Variants in ABI2 observed in about 807,000 individuals in gnomAD.
ABI2 encodes the protein abelson interactor 2.
ABI2 carries 25 observed loss-of-function variants against 59.2 expected under a neutral mutation model. The observed-to-expected ratio is 0.42, with a 90% CI of 0.31 to 0.59. The LOEUF (loss-of-function observed/expected upper bound fraction) is 0.59. Among genes scored for constraint, ABI2 ranks in the 20% least tolerant of loss-of-function variants. The pLI is 0.14. For missense variants in ABI2, 545 were observed against 681.8 expected (o/e 0.80, Z 2.23); for synonymous variants, 213 against 235.5 (o/e 0.90, Z 0.87).
At chr2:203,357,005 C>T (rs1195651283) in intron 1 of ABI2, among the ~76,000 whole-genome samples, 2 of 151,154 alleles carry the variant, frequency 1.3e-5, no homozygotes, top group East Asian at 3.9e-4. Context: ...AACTAAAAAA[C>T]GATTACTTCT....
At chr2:203,419,378 G>A (rs1357117935) in intron 11 of ABI2, among the ~76,000 whole-genome samples, 5 of 148,652 alleles carry the variant, frequency 3.4e-5, no homozygotes, top group South Asian at 2.2e-4. Context: ...GATTACAGGC[G>A]TGAGCCACGA....
chr2:203,375,048 ATC>A (rs1355267862), intron 2 of ABI2, among the ~76,000 whole-genome samples: 1 of 152,234 alleles, frequency 6.6e-6, no homozygotes, highest in Non-Finnish European at 1.5e-5. Context: ...CAGTATGATT[ATC>A]TCAAGGCCAT....
intron 1 of ABI2, among the ~76,000 whole-genome samples, chr2:203,348,157 C>G (rs2084938305): frequency 6.6e-6 from 1 of 152,248 alleles, no homozygotes; most frequent in African/African-American, 2.4e-5. Flanking sequence ...AGGAGAATCG[C>G]TTGAACCCGG....
chr2:203,398,206 T>C (rs1309666358), intron 8 of ABI2, among the ~76,000 whole-genome samples: 1 of 152,238 alleles, frequency 6.6e-6, no homozygotes, highest in Admixed American at 6.5e-5. Context: ...AGAAAAGCTT[T>C]CTGCAGTAGA....
intron 9 of ABI2, 138 bp from the exon 10 acceptor site, chr2:203,411,147 G>A: frequency 2.7e-6 from 2 of 741,144 alleles, no homozygotes; most frequent in East Asian, 2.8e-5. Context: ...CCCTCAACAG[G>A]GGATCCTTGA....
intron 1 of ABI2, among the ~76,000 whole-genome samples, chr2:203,352,518 T>G (rs750825693): frequency 2.0e-5 from 3 of 151,484 alleles, no homozygotes; most frequent in Non-Finnish European, 2.9e-5. Flanking sequence ...TGACCCTGTG[T>G]AGGGTTAGGC....
chr2:203,387,196 T>C (rs1381275498), intron 4 of ABI2, among the ~76,000 whole-genome samples: 3 of 152,058 alleles, frequency 2.0e-5, no homozygotes, highest in African/African-American at 7.2e-5. Flanking sequence ...AGGTCATCTG[T>C]TAATGGGAGA....
At chr2:203,362,900 C>G (rs191362203) in intron 1 of ABI2, among the ~76,000 whole-genome samples, 1 of 151,996 alleles carries the variant, frequency 6.6e-6, no homozygotes, top group African/African-American at 2.4e-5. Context: ...GACCTGATCT[C>G]AGCTCACTGC....
intron 11 of ABI2, among the ~76,000 whole-genome samples, chr2:203,418,681 A>G (rs1352744353): frequency 6.6e-6 from 1 of 152,224 alleles, no homozygotes; most frequent in Non-Finnish European, 1.5e-5. Context: ...ATGACCTGTC[A>G]TTTTTGCCAT....
rs532862354 is a variant in ABI2 at position 203,402,444 on chromosome 2, T to C, written c.1034-132T>C. 1.3e-5 allele frequency: 8 copies of C among 614,800 alleles called. No individual in the cohort carries two copies. In the South Asian group the frequency reaches 4.2e-4, roughly 32 times the overall value. 38.1% of individuals were successfully genotyped at this position (614,800 alleles called of 1,614,324 possible). A position where few individuals can be genotyped will look rare whatever the true frequency, so the allele number is the denominator to read the frequency against. On this transcript the variant is annotated intron_variant, in intron 8 of 11. Coordinates refer to ENST00000261018, the MANE Select transcript of ABI2 (RefSeq NM_001375670.1). ...TCAGCGAACAATAACTCACCTTGCA[T>C]TGTATATTTCAGATACCAGTTAAAC...
chr2:203,338,977 T>A (rs1176625513), intron 1 of ABI2, among the ~76,000 whole-genome samples: 13 of 10,258 alleles, frequency 1.3e-3, no homozygotes, highest in African/African-American at 3.4e-3. Flanking sequence ...TATATATATA[T>A]ATATAAATAT....
chr2:203,386,430 G>GTTTTTTTTTTTTT (rs71007512), intron 4 of ABI2: 1 of 63,888 alleles, frequency 1.6e-5, no homozygotes, highest in African/African-American at 8.6e-5. Flanking sequence ...ACTCCTGGCT[G>GTTTTTTTTTTTTT]TTTTTTTTTT....
chr2:203,387,990 A>C (rs1199526002), intron 4 of ABI2, among the ~76,000 whole-genome samples: 1 of 152,096 alleles, frequency 6.6e-6, no homozygotes, highest in Non-Finnish European at 1.5e-5. Context: ...TCTAGTAAAT[A>C]TATTTTTATA....
At chr2:203,377,078 G>A (rs1340155942) in intron 2 of ABI2, among the ~76,000 whole-genome samples, 1 of 152,140 alleles carries the variant, frequency 6.6e-6, no homozygotes, top group Non-Finnish European at 1.5e-5. Flanking sequence ...AGCACTTTGG[G>A]AGACTGAGGC....
chr2:203,343,297 G>A (rs898915830), intron 1 of ABI2, among the ~76,000 whole-genome samples: 2 of 152,200 alleles, frequency 1.3e-5, no homozygotes, highest in Non-Finnish European at 2.9e-5. Flanking sequence ...TCGGGAAGCG[G>A]AGGTTGCAGT....
intron 1 of ABI2, among the ~76,000 whole-genome samples, chr2:203,354,106 G>A (rs1210671934): frequency 5.9e-5 from 9 of 151,776 alleles, no homozygotes; most frequent in South Asian, 2.1e-4. Context: ...GTGCGGTGGC[G>A]CAATCTCAGT....
chr2:203,407,588 A>T (rs901491088), intron 9 of ABI2, among the ~76,000 whole-genome samples: 2 of 152,236 alleles, frequency 1.3e-5, no homozygotes, highest in African/African-American at 4.8e-5. Context: ...TGTACATTTC[A>T]TCAGCACAGA....
At position 203,394,686 on chromosome 2, in the gene ABI2, T is replaced by C; in HGVS notation, c.579-14T>C. ...TTGCTTAATCATACAATACATACGC[T>C]CTTCTTTTTGTAGGCGGCACTCCCC... On this transcript the variant is annotated splice_polypyrimidine_tract_variant and intron_variant, in intron 5 of 11. Coordinates refer to ENST00000261018, the MANE Select transcript of ABI2 (RefSeq NM_001375670.1). The C allele has an allele frequency of 6.2e-7, 1 of 1,612,988 alleles. No homozygotes were observed. The highest frequency in any genetic ancestry group is 8.5e-7 in the Non-Finnish European group (1 of 1,179,648).
intron 1 of ABI2, among the ~76,000 whole-genome samples, chr2:203,337,207 C>T (rs1192254187): frequency 6.6e-6 from 1 of 152,172 alleles, no homozygotes; most frequent in Admixed American, 6.5e-5. Context: ...GTTAAATTGT[C>T]TCTGTTTGCA....
Sources: allele counts gnomAD v4.1 joint callset (sites outside exome capture counted in the v4.1 genomes callset), GRCh38; gene constraint gnomAD v4.1.1; transcripts MANE v1.5; gene names NCBI Gene and HGNC (gene_info 2026-07-23, HGNC 2026-07-21).